Variants in CES1 observed in about 807,000 individuals in gnomAD.
CES1 encodes liver carboxylesterase 1.
A neutral mutation model predicts 53.0 loss-of-function variants in CES1; 50 were observed. The ratio of observed to expected loss-of-function variants is 0.94; its 90% CI spans 0.75 to 1.19. The LOEUF is 1.19. Ranked by LOEUF, CES1 falls within the 50% of genes most tolerant of loss-of-function variation. The probability of loss-of-function intolerance (pLI) is 0.00; values close to 1 mark genes in which losing one functional copy is unlikely to be tolerated. For missense variants in CES1, 534 were observed against 538.0 expected (o/e 0.99, Z 0.07); for synonymous variants, 202 against 210.1 (o/e 0.96, Z 0.33).
Position 55,821,529 on chromosome 16 carries a change from G to A in CES1, c.540-8C>T, listed in dbSNP as rs1207353736. 3.1e-6 allele frequency: 5 copies of A among 1,614,066 alleles called. No individual in the cohort carries two copies. The highest frequency in any genetic ancestry group is 4.2e-6 in the Non-Finnish European group (5 of 1,180,028). On this transcript the variant is annotated splice_region_variant and splice_polypyrimidine_tract_variant and intron_variant, in intron 4 of 13. Transcript: ENST00000360526. ...CTGTGTTCATCCCCTGTGCTGTGAG[G>A]AAGAGAACAGGTTGAGGGTGGGGAG...
intron 2 of CES1, chr16:55,827,875 T>C (rs1224544968): frequency 6.6e-6 from 1 of 152,178 alleles, no homozygotes; most frequent in African/African-American, 2.4e-5. Context: ...ATATATTACA[T>C]CATAATACTT....
At chr16:55,824,048 C>T (rs777872572) in intron 3 of CES1, among the ~76,000 whole-genome samples, 7 of 152,378 alleles carry the variant, frequency 4.6e-5, no homozygotes, top group South Asian at 2.1e-4. Context: ...ATGCACTCAG[C>T]GTACCCATGG....
chr16:55,814,146 G>C (rs1296774157), intron 8 of CES1, among the ~76,000 whole-genome samples: 28 of 152,192 alleles, frequency 1.8e-4, no homozygotes, highest in Non-Finnish European at 3.1e-4. Context: ...ACCGAACCCT[G>C]GTCACTCAAG....
intron 8 of CES1, among the ~76,000 whole-genome samples, chr16:55,815,708 A>AGCCCTT (rs560791364): frequency 0.025 from 3,726 of 149,248 alleles, 180 homozygotes; most frequent in African/African-American, 0.088. Flanking sequence ...AGCAGCCAGG[A>AGCCCTT]GCCCTTGCCT....
At chr16:55,829,303 C>T (rs1373216743) in intron 1 of CES1, among the ~76,000 whole-genome samples, 2 of 152,248 alleles carry the variant, frequency 1.3e-5, no homozygotes, top group East Asian at 1.9e-4. Context: ...GGCACTGAGC[C>T]GCATGCTGGA....
At chr16:55,832,058 C>T (rs1357936018) in intron 1 of CES1, among the ~76,000 whole-genome samples, 4 of 152,226 alleles carry the variant, frequency 2.6e-5, no homozygotes, top group Non-Finnish European at 4.4e-5. Flanking sequence ...GATCGGGTTG[C>T]CATGCCCTGG....
intron 6 of CES1, among the ~76,000 whole-genome samples, chr16:55,819,842 G>A (rs1467255064): frequency 2.0e-5 from 3 of 152,210 alleles, no homozygotes; most frequent in African/African-American, 7.2e-5. Flanking sequence ...GGTCAATTAT[G>A]TAATCTCTCA....
Position 55,820,455 on chromosome 16 carries a change from G to C in CES1, c.718C>G (p.Leu240Val), listed in dbSNP as rs762317279. Residue 240 changes from leucine to valine, a missense_variant, in exon 6 of 14, where the codon CTC becomes GTC. Leu to Val is a conservative substitution (Grantham distance 32). This residue lies in a region of CES1 where 12 missense variants were observed against 37.2 expected (regional missense o/e 0.32). Coordinates refer to ENST00000360526, the MANE Select transcript of CES1 (RefSeq NM_001025195.2). ...VLVLSPLAKNLFHRAISESGV... is the reference protein window; with the variant it reads ...VLVLSPLAKNVFHRAISESGV... ...CTCTCAGAAATGGCCCGGTGGAAGA[G>C]GTTCTTGGCCAATGGAGACAAAACC... 3.8e-6 allele frequency: 6 copies of C among 1,590,446 alleles called. No homozygotes were observed. In the South Asian group the frequency reaches 6.8e-5, roughly 18 times the overall value.
rs530295267 is a variant in CES1, at chr16:55,817,100, T to C, written c.907-138A>G. 3.0e-4 allele frequency: 279 copies of C among 932,850 alleles called. 2 individuals carry two copies. Among genetic ancestry groups the C allele is most frequent in the South Asian group, 2.8e-3 (222 of 78,028 alleles). The allele number at this position is 932,850 out of a possible 1,614,324, so 57.8% of individuals were successfully genotyped here. Reference sequence around the variant, plus strand: ...TATATCTATATGTGACCTGCGGTGCTCCATCTCCCTGAACATGAATATTAG... The same window carrying C: ...TATATCTATATGTGACCTGCGGTGCCCCATCTCCCTGAACATGAATATTAG... On this transcript the variant is annotated intron_variant, in intron 7 of 13. Coordinates refer to ENST00000360526, the MANE Select transcript of CES1 (RefSeq NM_001025195.2).
chr16:55,820,119 G>A (rs1433663699), intron 6 of CES1: 1 of 586,438 alleles, frequency 1.7e-6, no homozygotes, highest in East Asian at 3.0e-5. Context: ...CCATGAGCTG[G>A]AGTCCCAGCT....
chr16:55,823,879 C>G (rs1220733284), intron 3 of CES1, among the ~76,000 whole-genome samples, 196 bp from the exon 4 acceptor site: 2 of 152,282 alleles, frequency 1.3e-5, no homozygotes. Context: ...AGCCACCACC[C>G]TACTGCACAT....
chr16:55,810,844 T>G (rs2031657419), intron 10 of CES1, 83 bp downstream of exon 10: 1 of 1,425,456 alleles, frequency 7.0e-7, no homozygotes, highest in Non-Finnish European at 9.9e-7. Flanking sequence ...GTCTTCATTC[T>G]GCCATTTAAT....
At chr16:55,811,099 TG>T in intron 9 of CES1, 89 bp from the exon 10 acceptor site, 2 of 1,086,110 alleles carry the variant, frequency 1.8e-6, no homozygotes, top group Non-Finnish European at 2.8e-6. Flanking sequence ...CAATGCAGTC[TG>T]AAAGTCCTCT....
chr16:55,827,399 A>G (rs2032461499), intron 2 of CES1, among the ~76,000 whole-genome samples: 1 of 151,934 alleles, frequency 6.6e-6, no homozygotes, highest in Admixed American at 6.6e-5. Context: ...TATTGTTATT[A>G]TTATTTTGCC....
intron 1 of CES1, among the ~76,000 whole-genome samples, chr16:55,830,304 T>A (rs377047478): frequency 6.6e-6 from 1 of 152,208 alleles, no homozygotes; most frequent in East Asian, 1.9e-4. Context: ...AATACTGAGA[T>A]GAACTTCCTT....
chr16:55,825,275 A>G (rs1404027090), intron 3 of CES1, among the ~76,000 whole-genome samples: 3 of 152,194 alleles, frequency 2.0e-5, no homozygotes, highest in Non-Finnish European at 4.4e-5. Flanking sequence ...TTCTAGTTCC[A>G]CGTTCGCAGA....
At chr16:55,817,541 A>C (rs1227276502) in intron 7 of CES1, among the ~76,000 whole-genome samples, 2 of 152,206 alleles carry the variant, frequency 1.3e-5, no homozygotes, top group African/African-American at 4.8e-5. Context: ...TGTGTTCACC[A>C]AGATTGCAGT....
At chr16:55,824,029 A>G (rs3815586) in intron 3 of CES1, among the ~76,000 whole-genome samples, 6,426 of 151,880 alleles carry the variant, frequency 0.042, 100 homozygotes, top group Middle Eastern at 0.1. Flanking sequence ...CCTCAAGCCT[A>G]GACTATTCAT....
rs1359528769 is a variant in CES1 at position 55,821,524 on chromosome 16, G to A, written c.540-3C>T. 3 of 1,614,182 alleles carry A rather than the reference G, an allele frequency of 1.9e-6. No individual in the cohort carries two copies. Among genetic ancestry groups the A allele is most frequent in the Non-Finnish European group, 2.5e-6 (3 of 1,180,030 alleles). On this transcript the variant is annotated splice_region_variant and splice_polypyrimidine_tract_variant and intron_variant, in intron 4 of 13. Transcript: ENST00000360526. Reference sequence around the variant, plus strand: ...CCCGGCTGTGTTCATCCCCTGTGCTGTGAGGAAGAGAACAGGTTGAGGGTG... The same window carrying A: ...CCCGGCTGTGTTCATCCCCTGTGCTATGAGGAAGAGAACAGGTTGAGGGTG...
Sources: gnomAD v4.1 joint callset for allele counts (sites outside exome capture counted in the v4.1 genomes callset) on GRCh38, gnomAD v4.1.1 for gene constraint, gnomAD v4.1.1 regional missense constraint, MANE v1.5 for transcripts, NCBI Gene and HGNC (gene_info 2026-07-23, HGNC 2026-07-21) for gene names.